RALYL: variants seen among roughly 807,000 people sequenced by gnomAD.
RALYL encodes RNA-binding Raly-like protein.
Under a neutral mutation model 35.1 loss-of-function variants are expected in RALYL, and 29 were observed. That is an observed-to-expected ratio of 0.83 (90% CI 0.61 to 1.13). RALYL has a LOEUF of 1.13. Among genes scored for constraint, RALYL ranks in the 50% most tolerant of loss-of-function variants. RALYL has a pLI of 0.00. For missense variants in RALYL, 359 were observed against 360.4 expected, an observed-to-expected ratio of 1.00 and a Z score of 0.03; for synonymous variants, 120 against 127.6, an observed-to-expected ratio of 0.94 and a Z score of 0.40.
In RALYL at chr8:84,183,955, C is replaced by T. The variant is rs77255532; in HGVS notation, c.-493C>T. On this transcript the variant is annotated 5_prime_UTR_variant, in exon 1 of 9. Coordinates refer to ENST00000521268, the MANE Select transcript of RALYL (RefSeq NM_173848.7). Reference sequence around the variant, plus strand: ...TTTTTGCATACTCTTTTTCTGATAACATTTTTGTATAGGTGGGATTTTACG... The same window carrying T: ...TTTTTGCATACTCTTTTTCTGATAATATTTTTGTATAGGTGGGATTTTACG... 16 of 152,364 alleles carry T rather than the reference C, an allele frequency of 1.1e-4. 1 individual carries two copies. The East Asian group carries it at 2.5e-3, about 24-fold the overall frequency. The allele number at this position is 152,364 out of a possible 1,614,324, so 9.4% of individuals were successfully genotyped here. A position where few individuals can be genotyped will look rare whatever the true frequency, so the allele number is the denominator to read the frequency against.
intron 1 of RALYL, among the ~76,000 whole-genome samples, chr8:84,525,711 A>G (rs965524226): frequency 6.6e-6 from 1 of 151,982 alleles, no homozygotes; most frequent in African/African-American, 2.4e-5. Context: ...TATTTCTACA[A>G]CTTCAAATTC....
intron 2 of RALYL, among the ~76,000 whole-genome samples, chr8:84,680,917 T>C (rs1411474539): frequency 1.3e-5 from 2 of 151,998 alleles, no homozygotes; most frequent in African/African-American, 2.4e-5. Flanking sequence ...AGACATGAAG[T>C]CCTTGCCCAT....
chr8:84,790,721 C>T (rs1206626169), intron 3 of RALYL, among the ~76,000 whole-genome samples: 1 of 152,102 alleles, frequency 6.6e-6, no homozygotes, highest in Non-Finnish European at 1.5e-5. Flanking sequence ...TCAGAGATTC[C>T]AGTGCAGTTA....
chr8:84,603,205 G>A (rs959419305), intron 2 of RALYL, among the ~76,000 whole-genome samples: 3 of 151,958 alleles, frequency 2.0e-5, no homozygotes, highest in Non-Finnish European at 2.9e-5. Flanking sequence ...GGAGAATAAG[G>A]AATGAGAAAG....
chr8:84,444,348 CA>C lies in RALYL; in HGVS notation c.-23-84944del, dbSNP rs1431258544. On this transcript the variant is annotated intron_variant, in intron 1 of 8. Coordinates refer to ENST00000521268, the MANE Select transcript of RALYL (RefSeq NM_173848.7). ...TGTCAAAGAAAAGCAAACAAACAAG[CA>C]AAAAAACAACAATGAAAAAAAACAC... Among the ~76,000 whole-genome samples, 3 of 150,998 alleles carry C rather than the reference CA, an allele frequency of 2.0e-5. No homozygotes were observed. In the South Asian group the frequency reaches 6.3e-4, roughly 32 times the overall value.
chr8:84,438,223 G>A (rs2047948654), intron 1 of RALYL, among the ~76,000 whole-genome samples: 1 of 152,054 alleles, frequency 6.6e-6, no homozygotes, highest in Admixed American at 6.6e-5. Flanking sequence ...TTACTCCGTT[G>A]ATAATTTCTT....
chr8:84,453,057 T>C lies in RALYL; in HGVS notation c.-23-76242T>C, dbSNP rs116404691. 9.7e-3 allele frequency among the ~76,000 whole-genome samples: 1,478 copies of C among 152,064 alleles called. 21 individuals carry two copies. The highest frequency in any genetic ancestry group is 0.033 in the African/African-American group (1,367 of 41,546). ...TTAATTAGACTATCATAGAATTTGA[T>C]ACTTTGGAGTGCTAAGAATTCTCTT... On this transcript the variant is annotated intron_variant, in intron 1 of 8. Coordinates refer to ENST00000521268, the MANE Select transcript of RALYL (RefSeq NM_173848.7).
At chr8:84,699,664 G>A (rs1210081787) in intron 2 of RALYL, among the ~76,000 whole-genome samples, 3 of 152,030 alleles carry the variant, frequency 2.0e-5, no homozygotes, top group Non-Finnish European at 4.4e-5. Flanking sequence ...GAGGGATTAG[G>A]TTTCAATGCA....
Position 84,425,516 on chromosome 8 carries a change from C to G in RALYL, c.-23-103783C>G, listed in dbSNP as rs576877918. On this transcript the variant is annotated intron_variant, in intron 1 of 8. Transcript: ENST00000521268. Reference sequence around the variant, plus strand: ...TGCAGAAATCACCCGTCTTCTGCGTCGCTCACGCTGGGAGCTGTAGACTGG... The same window carrying G: ...TGCAGAAATCACCCGTCTTCTGCGTGGCTCACGCTGGGAGCTGTAGACTGG... Among the ~76,000 whole-genome samples the G allele has an allele frequency of 2.0e-5, 3 of 152,320 alleles. No homozygotes were observed. The South Asian group carries it at 6.2e-4, about 32-fold the overall frequency.
intron 2 of RALYL, among the ~76,000 whole-genome samples, chr8:84,601,509 G>C (rs1044054875): frequency 1.3e-5 from 2 of 152,010 alleles, no homozygotes; most frequent in Admixed American, 6.6e-5. Context: ...CTACTAATGG[G>C]ATTTAAATTA....
chr8:84,207,818 GTGTATA>G (rs777535277), intron 1 of RALYL, among the ~76,000 whole-genome samples: 56 of 136,436 alleles, frequency 4.1e-4, no homozygotes, highest in Non-Finnish European at 5.7e-4. Context: ...GTGTGTGTGT[GTGTATA>G]TATATATATA....
At chr8:84,187,938 C>T (rs1403019161) in intron 1 of RALYL, among the ~76,000 whole-genome samples, 1 of 152,016 alleles carries the variant, frequency 6.6e-6, no homozygotes, top group Non-Finnish European at 1.5e-5. Flanking sequence ...TATAACTCTA[C>T]ATTTCAAGTC....
At chr8:84,872,664 ACTT>A (rs2135234172) in intron 6 of RALYL, 1 of 152,304 alleles carries the variant, frequency 6.6e-6, no homozygotes, top group African/African-American at 2.4e-5. Flanking sequence ...ATCAGTGAGA[ACTT>A]CTGTGATTTT....
intron 4 of RALYL, among the ~76,000 whole-genome samples, chr8:84,813,196 C>T (rs191953378): frequency 5.3e-5 from 8 of 152,260 alleles, no homozygotes; most frequent in East Asian, 1.9e-4. Flanking sequence ...TTTCTCCAGT[C>T]GGGGGTGTGT....
chr8:84,557,978 T>TTAC (rs1383649737), intron 2 of RALYL, among the ~76,000 whole-genome samples: 3 of 152,172 alleles, frequency 2.0e-5, no homozygotes, highest in Non-Finnish European at 4.4e-5. Context: ...TTGTAAGCTG[T>TTAC]TACTTAGTTT....
intron 4 of RALYL, among the ~76,000 whole-genome samples, chr8:84,841,194 C>T (rs533252062): frequency 2.6e-5 from 4 of 152,226 alleles, no homozygotes; most frequent in South Asian, 4.1e-4. Flanking sequence ...AGAGTCAAGA[C>T]CCATCAGTGT....
intron 2 of RALYL, among the ~76,000 whole-genome samples, chr8:84,683,148 G>A (rs1835965739): frequency 6.6e-6 from 1 of 152,104 alleles, no homozygotes; most frequent in Admixed American, 6.5e-5. Context: ...GTAGTTGAGT[G>A]GTTTTGAGTG....
chr8:84,367,077 C>A, intron 1 of RALYL, among the ~76,000 whole-genome samples: 1 of 150,920 alleles, frequency 6.6e-6, no homozygotes. Context: ...CTACATACTA[C>A]ATAGCAATTT....
chr8:84,691,588 C>G (rs1392757678), intron 2 of RALYL, among the ~76,000 whole-genome samples: 1 of 151,998 alleles, frequency 6.6e-6, no homozygotes, highest in Non-Finnish European at 1.5e-5. Flanking sequence ...AGCAAATGAG[C>G]ACCTTCTAAA....
Sources: allele counts gnomAD v4.1 joint callset (sites outside exome capture counted in the v4.1 genomes callset), GRCh38; gene constraint gnomAD v4.1.1; transcripts MANE v1.5; gene names NCBI Gene and HGNC (gene_info 2026-07-23, HGNC 2026-07-21).